MEF2C: variants seen among roughly 807,000 people sequenced by gnomAD.
MEF2C encodes the protein myocyte enhancer factor 2C.
MEF2C carries 6 observed loss-of-function variants against 50.5 expected under a neutral mutation model. That is an observed-to-expected ratio of 0.12 (90% confidence interval 0.07 to 0.23). MEF2C has a LOEUF of 0.23. Among genes scored for constraint, MEF2C ranks in the 10% least tolerant of loss-of-function variants. MEF2C has a pLI of 1.00. For missense variants in MEF2C, 276 were observed against 605.0 expected (o/e 0.46, Z 5.70); for synonymous variants, 183 against 228.0 (o/e 0.80, Z 1.78).
intron 1 of MEF2C, among the ~76,000 whole-genome samples, chr5:88,850,709 C>A (rs1174228859): frequency 1.3e-5 from 2 of 151,516 alleles, no homozygotes; most frequent in Non-Finnish European, 2.9e-5. Context: ...TATACACATA[C>A]ACACACACAC....
chr5:88,862,801 A>G (rs1366064920), intron 1 of MEF2C, among the ~76,000 whole-genome samples: 2 of 152,164 alleles, frequency 1.3e-5, no homozygotes, highest in African/African-American at 4.8e-5. Context: ...ATGTCCTCCC[A>G]GTTACCTTGA....
chr5:88,758,889 A>G (rs1361954144), intron 4 of MEF2C, among the ~76,000 whole-genome samples: 3 of 152,192 alleles, frequency 2.0e-5, no homozygotes, highest in Admixed American at 6.5e-5. Context: ...ACAGGCTGAA[A>G]TCCTGTGAGG....
Position 88,860,613 on chromosome 5 carries a change from C to T in MEF2C, c.-143+22342G>A, listed in dbSNP as rs149073170. 1.3e-4 allele frequency among the ~76,000 whole-genome samples: 20 copies of T among 152,188 alleles called. No individual in the cohort carries two copies. In the South Asian group the frequency reaches 3.9e-3, roughly 30 times the overall value. ...TCAGATTCACCCAGCAGAGCTGCCC[C>T]GCTCAGCAGAGCCTAGCAGCTATGA... On this transcript the variant is annotated intron_variant, in intron 1 of 10. Transcript: ENST00000504921.
At chr5:88,809,685 G>T (rs552334311) in intron 2 of MEF2C, among the ~76,000 whole-genome samples, 29 of 152,028 alleles carry the variant, frequency 1.9e-4, no homozygotes, top group Non-Finnish European at 2.5e-4. Context: ...TCTCTGGACT[G>T]AGCTAGAAAA....
chr5:88,766,670 T>C (rs1177196132), intron 3 of MEF2C: 1 of 985,298 alleles, frequency 1.0e-6, no homozygotes, highest in Non-Finnish European at 1.2e-6. Context: ...CAGAGAAACC[T>C]GGAGAAACCC....
rs7702623 is a variant in MEF2C, at chr5:88,746,212, C to A, written c.637+2858G>T. On this transcript the variant is annotated intron_variant, in intron 6 of 10. Coordinates refer to ENST00000504921, the MANE Select transcript of MEF2C (RefSeq NM_002397.5). ...ACAAGCAGTCCTGGGGAGACTGAAG[C>A]AGGATGCAATATAAAGCAGGGAGAT... 1.9e-3 allele frequency among the ~76,000 whole-genome samples: 291 copies of A among 152,160 alleles called. 1 individual carries two copies. Among genetic ancestry groups the A allele is most frequent in the African/African-American group, 6.7e-3 (277 of 41,502 alleles).
intron 6 of MEF2C, chr5:88,735,175 C>T (rs956468743): frequency 4.5e-5 from 44 of 985,162 alleles, no homozygotes; most frequent in Non-Finnish European, 4.9e-5. Flanking sequence ...GCATTTAAAC[C>T]GGCTGGGAAA....
At chr5:88,758,607 G>T (rs1405930294) in intron 4 of MEF2C, among the ~76,000 whole-genome samples, 1 of 152,202 alleles carries the variant, frequency 6.6e-6, no homozygotes, top group Non-Finnish European at 1.5e-5. Context: ...AAAGGGCAGA[G>T]TGTCCTTGCC....
chr5:88,868,078 T>A (rs746725856), intron 1 of MEF2C, among the ~76,000 whole-genome samples: 2 of 152,100 alleles, frequency 1.3e-5, no homozygotes, highest in Non-Finnish European at 2.9e-5. Flanking sequence ...TGGTACCCCC[T>A]GTGTTGGAAA....
chr5:88,840,203 C>T (rs1039692766), intron 1 of MEF2C, among the ~76,000 whole-genome samples: 3 of 152,188 alleles, frequency 2.0e-5, no homozygotes, highest in Non-Finnish European at 4.4e-5. Context: ...TTTCACAACT[C>T]TCACTCTCAG....
At chr5:88,883,429 G>A (rs1384141901), upstream of MEF2C, 3 of 148,688 alleles carry the variant, frequency 2.0e-5, no homozygotes, top group Non-Finnish European at 3.0e-5. Flanking sequence ...GTCCAGGAAG[G>A]AAGTGACAGA....
chr5:88,890,108 C>T (rs1834380250), intron 1 of MEF2C, among the ~76,000 whole-genome samples: 1 of 152,338 alleles, frequency 6.6e-6, no homozygotes. Context: ...TCTGAGCTCT[C>T]AGCATCTAAG....
chr5:88,737,293 T>C, intron 6 of MEF2C: 4 of 985,414 alleles, frequency 4.1e-6, no homozygotes, highest in Non-Finnish European at 4.8e-6. Context: ...CTACCATATA[T>C]ATGAAAGCCA....
intron 8 of MEF2C, 69 bp from the exon 9 acceptor site, chr5:88,729,416 T>C (rs1760420191): frequency 7.4e-7 from 1 of 1,357,440 alleles, no homozygotes; most frequent in Non-Finnish European, 1.0e-6. Flanking sequence ...GATTTCAGTA[T>C]TAGTTTTCCA....
rs201534268 is a variant in MEF2C at position 88,757,346 on chromosome 5, A to AC, written c.402+3838dup. On this transcript the variant is annotated intron_variant, in intron 4 of 10. Coordinates refer to ENST00000504921, the MANE Select transcript of MEF2C (RefSeq NM_002397.5). ...AGTGATTGAACTGAATCTTCCCCCC[A>AC]CCCTTTTTTTGCCACTAATGACACC... Among the ~76,000 whole-genome samples the AC allele has an allele frequency of 2.5e-3, 381 of 151,432 alleles. 1 individual carries two copies. The highest frequency in any genetic ancestry group is 8.9e-3 in the African/African-American group (369 of 41,238).
chr5:88,772,720 C>G, intron 3 of MEF2C: 9 of 985,050 alleles, frequency 9.1e-6, no homozygotes, highest in Non-Finnish European at 9.6e-6. Context: ...TTGATTTCTC[C>G]CTCTTCCTAA....
intron 1 of MEF2C, among the ~76,000 whole-genome samples, chr5:88,869,314 TAC>T (rs60170712): frequency 0.2 from 18,081 of 91,306 alleles, 1,492 homozygotes; most frequent in Admixed American, 0.22. Flanking sequence ...TATATATATA[TAC>T]ACATATAGCT....
intron 1 of MEF2C, among the ~76,000 whole-genome samples, chr5:88,891,428 C>T (rs575324740): frequency 4.7e-4 from 60 of 128,484 alleles, no homozygotes; most frequent in Non-Finnish European, 4.9e-4. Context: ...GACGCAGTCT[C>T]GCTCTGTCGC....
At chr5:88,780,858 T>A in intron 3 of MEF2C, 8 of 985,336 alleles carry the variant, frequency 8.1e-6, no homozygotes, top group Non-Finnish European at 9.6e-6. Context: ...TCTCCCTACA[T>A]CTCTCTCGTT....
Sources: allele counts gnomAD v4.1 joint callset (sites outside exome capture counted in the v4.1 genomes callset), GRCh38; gene constraint gnomAD v4.1.1; transcripts MANE v1.5; gene names NCBI Gene and HGNC (gene_info 2026-07-23, HGNC 2026-07-21).